GLYATL2: variants seen among roughly 807,000 people sequenced by gnomAD.
GLYATL2 encodes glycine N-acyltransferase-like protein 2.
GLYATL2 carries 25 observed loss-of-function variants against 21.4 expected under a neutral mutation model. The ratio of observed to expected loss-of-function variants is 1.17; its 90% CI spans 0.85 to 1.63. The LOEUF is 1.63. Among genes scored for constraint, GLYATL2 ranks in the 40% most tolerant of loss-of-function variants. The probability of loss-of-function intolerance (pLI) is 0.00; values close to 1 mark genes in which losing one functional copy is unlikely to be tolerated. For synonymous variants in GLYATL2, 114 were observed against 118.2 expected (o/e 0.96, Z 0.23); for missense variants, 361 against 343.3 (o/e 1.05, Z -0.41).
rs1458354806 is a variant in GLYATL2 at position 58,844,610 on chromosome 11, C to T, written c.-217G>A. 2 of 152,164 alleles carry T rather than the reference C, an allele frequency of 1.3e-5. No homozygotes were observed. Among genetic ancestry groups the T allele is most frequent in the Admixed American group, 1.3e-4 (2 of 15,280 alleles). The allele number at this position is 152,164 out of a possible 1,614,324, so 9.4% of individuals were successfully genotyped here. A position where few individuals can be genotyped will look rare whatever the true frequency, so the allele number is the denominator to read the frequency against. ...AGTTATGGGTTCCTGTAGATTAAAC[C>T]AGACGTTCTGTCCATAGACAAGAAA... On this transcript the variant is annotated 5_prime_UTR_variant, in exon 1 of 6. Coordinates refer to ENST00000287275, the MANE Select transcript of GLYATL2 (RefSeq NM_145016.4).
At position 58,834,172 on chromosome 11, in the gene GLYATL2, G is replaced by A. The variant is rs1853381698; in HGVS notation, c.*257C>T. 3.1e-6 allele frequency: 1 copy of A among 319,050 alleles called. No individual in the cohort carries two copies. 19.8% of individuals were successfully genotyped at this position (319,050 alleles called of 1,614,324 possible). ...GTGTTGCCGTTAAAGGGTTATCTTG[G>A]CACTAATGATTGGCTTTGGGTGATT... On this transcript the variant is annotated 3_prime_UTR_variant, in exon 6 of 6. Coordinates refer to ENST00000287275, the MANE Select transcript of GLYATL2 (RefSeq NM_145016.4).
chr11:58,836,356 C>G (rs1423877048), intron 5 of GLYATL2, among the ~76,000 whole-genome samples: 1 of 152,078 alleles, frequency 6.6e-6, no homozygotes, highest in African/African-American at 2.4e-5. Context: ...ATCCATTTCC[C>G]CATTACTGGA....
At chr11:58,904,316 C>T (rs1326373561), upstream of GLYATL2, 1 of 152,162 alleles carries the variant, frequency 6.6e-6, no homozygotes, top group African/African-American at 2.4e-5. Context: ...TGCTACAAAT[C>T]CTCCATTTAA....
Position 58,839,455 on chromosome 11 carries a change from C to G in GLYATL2, c.78+80G>C, listed in dbSNP as rs1006151700. The G allele has an allele frequency of 9.2e-6, 7 of 760,762 alleles. No homozygotes were observed. The East Asian group carries it at 1.8e-4, about 20-fold the overall frequency. 47.1% of individuals were successfully genotyped at this position (760,762 alleles called of 1,614,324 possible). A position where few individuals can be genotyped will look rare whatever the true frequency, so the allele number is the denominator to read the frequency against. ...ACTTTAGACTTGCATTCCCATCTCC[C>G]CATTAAGGTTATGAATCCTGAATCT... On this transcript the variant is annotated intron_variant, in intron 2 of 5. Transcript: ENST00000287275.
chr11:58,855,730 G>A (rs533520369), intron 1 of GLYATL2, among the ~76,000 whole-genome samples: 2 of 152,354 alleles, frequency 1.3e-5, no homozygotes, highest in East Asian at 3.9e-4. Flanking sequence ...GGAATTTGTT[G>A]TTTGGTGTAG....
chr11:58,872,369 T>C (rs1854138958), intron 1 of GLYATL2, among the ~76,000 whole-genome samples: 1 of 152,236 alleles, frequency 6.6e-6, no homozygotes, highest in African/African-American at 2.4e-5. Context: ...CATGCCTATG[T>C]CCTGAATGGT....
upstream of GLYATL2, among the ~76,000 whole-genome samples, chr11:58,847,781 A>G (rs1465571045): frequency 2.6e-5 from 4 of 152,168 alleles, no homozygotes; most frequent in Non-Finnish European, 5.9e-5. Flanking sequence ...TGGGAAGCAC[A>G]CAGGCCTTGC....
chr11:58,891,969 T>C (rs1473926295), intron 1 of GLYATL2, among the ~76,000 whole-genome samples: 3 of 152,194 alleles, frequency 2.0e-5, no homozygotes, highest in Non-Finnish European at 2.9e-5. Flanking sequence ...CCTGTCTTTG[T>C]TCTTTATCTA....
chr11:58,883,826 C>A (rs554225607), intron 1 of GLYATL2, among the ~76,000 whole-genome samples: 1 of 152,124 alleles, frequency 6.6e-6, no homozygotes, highest in African/African-American at 2.4e-5. Context: ...CAATAAAATA[C>A]CAGCAAACCG....
chr11:58,888,857 T>A (rs1854489338), intron 1 of GLYATL2, among the ~76,000 whole-genome samples: 1 of 151,972 alleles, frequency 6.6e-6, no homozygotes, highest in Admixed American at 6.6e-5. Flanking sequence ...TCCTTTTTCT[T>A]ATAAATTTAA....
intron 1 of GLYATL2, among the ~76,000 whole-genome samples, chr11:58,863,697 T>A (rs1296270668): frequency 5.3e-5 from 8 of 151,900 alleles, no homozygotes; most frequent in Non-Finnish European, 7.4e-5. Flanking sequence ...GGAGGTTGGG[T>A]GTATGAGTTC....
At chr11:58,898,841 T>A (rs187047449) in intron 1 of GLYATL2, among the ~76,000 whole-genome samples, 427 of 152,150 alleles carry the variant, frequency 2.8e-3, no homozygotes, top group Middle Eastern at 6.8e-3. Flanking sequence ...TTAAAAAAAA[T>A]AAAATAAAAT....
intron 1 of GLYATL2, among the ~76,000 whole-genome samples, chr11:58,888,654 C>G (rs1257335206): frequency 1.3e-5 from 2 of 151,616 alleles, no homozygotes; most frequent in Non-Finnish European, 2.9e-5. Flanking sequence ...CTAGTCTTTT[C>G]TCATGCTATT....
At chr11:58,842,476 C>CTGTGTG (rs34133004) in intron 1 of GLYATL2, among the ~76,000 whole-genome samples, 149 of 134,842 alleles carry the variant, frequency 1.1e-3, no homozygotes, top group Middle Eastern at 3.6e-3. Context: ...GAGTGAGACT[C>CTGTGTG]TGTGTGTGTG....
At chr11:58,841,016 A>G (rs1853541277) in intron 1 of GLYATL2, among the ~76,000 whole-genome samples, 1 of 152,014 alleles carries the variant, frequency 6.6e-6, no homozygotes, top group African/African-American at 2.4e-5. Context: ...GAACTTTTGA[A>G]CTTTCTTCCA....
At chr11:58,875,118 CT>C (rs1180834808) in intron 1 of GLYATL2, among the ~76,000 whole-genome samples, 1 of 152,070 alleles carries the variant, frequency 6.6e-6, no homozygotes, top group Non-Finnish European at 1.5e-5. Context: ...CAACCCTTGC[CT>C]TTTTTTGTTT....
intron 1 of GLYATL2, among the ~76,000 whole-genome samples, chr11:58,856,201 T>G (rs1226540384): frequency 2.0e-5 from 3 of 152,064 alleles, no homozygotes; most frequent in African/African-American, 2.4e-5. Context: ...TCTGATAGCT[T>G]CCAACTTTTT....
intron 1 of GLYATL2, among the ~76,000 whole-genome samples, chr11:58,877,687 T>C (rs1854262121): frequency 6.6e-6 from 1 of 152,202 alleles, no homozygotes; most frequent in African/African-American, 2.4e-5. Context: ...GATCATGTGA[T>C]TTAATAACAT....
rs200606923 is a variant in GLYATL2, at chr11:58,834,474, A to G, written c.840T>C (p.Pro280=). ...TGCATTTCCACTGATGCCAGCCACA[A>G]GGACAAATCTTAAACCCCAAATTGT... ...ALNNLGFKIC[P]CGWHQWKCTP... The change falls in exon 6 of 6, where the codon CCT becomes CCC. Residue 280 remains proline, a synonymous_variant. Transcript: ENST00000287275. 259 of 1,608,746 alleles carry G rather than the reference A, an allele frequency of 1.6e-4. 1 individual carries two copies. The East Asian group carries it at 5.2e-3, about 32-fold the overall frequency.
Sources: gnomAD v4.1 joint callset for allele counts (sites outside exome capture counted in the v4.1 genomes callset) on GRCh38, gnomAD v4.1.1 for gene constraint, MANE v1.5 for transcripts, NCBI Gene and HGNC (gene_info 2026-07-23, HGNC 2026-07-21) for gene names.